The following EFCC1 variants were observed in gnomAD, a reference collection of about 807,000 sequenced individuals.
EFCC1 encodes the protein EF-hand and coiled-coil domain containing 1, also known as EF-hand and coiled-coil domain-containing protein 1.
Under a neutral mutation model 52.1 loss-of-function variants are expected in EFCC1, and 50 were observed. The ratio of observed to expected loss-of-function variants is 0.96; its 90% CI spans 0.76 to 1.21. The LOEUF is 1.21. EFCC1 is among the 50% of genes most tolerant of loss of function. The probability of loss-of-function intolerance (pLI) is 0.00; values close to 1 mark genes in which losing one functional copy is unlikely to be tolerated. For missense variants in EFCC1, 837 were observed against 867.3 expected (o/e 0.97, Z 0.44); for synonymous variants, 399 against 396.5 (o/e 1.01, Z -0.08).
At chr3:129,037,961 G>A (rs1404764462) in intron 6 of EFCC1, among the ~76,000 whole-genome samples, 3 of 152,010 alleles carry the variant, frequency 2.0e-5, no homozygotes, top group South Asian at 4.2e-4. Context: ...CTACTTGGGA[G>A]GCTGAGGTGG....
chr3:129,039,364 T>A (rs1465637556), intron 7 of EFCC1, among the ~76,000 whole-genome samples: 3 of 152,204 alleles, frequency 2.0e-5, no homozygotes, highest in Non-Finnish European at 2.9e-5. Flanking sequence ...TGCCAGCTTA[T>A]GCCTGGGGCA....
intron 2 of EFCC1, among the ~76,000 whole-genome samples, chr3:129,016,726 C>T (rs1450900742): frequency 6.6e-6 from 1 of 152,102 alleles, no homozygotes; most frequent in Non-Finnish European, 1.5e-5. Context: ...TCGTACAGGG[C>T]CTGAGGCAGG....
chr3:129,018,874 C>CAAA (rs1945706196), intron 2 of EFCC1, among the ~76,000 whole-genome samples: 1 of 152,226 alleles, frequency 6.6e-6, no homozygotes, highest in African/African-American at 2.4e-5. Context: ...CCACTCGGCG[C>CAAA]TGGAGTTCCC....
At chr3:129,036,875 T>C in intron 5 of EFCC1, 102 bp from the exon 6 acceptor site, 1 of 1,564,960 alleles carries the variant, frequency 6.4e-7, no homozygotes, top group Admixed American at 1.9e-5. Context: ...TCAGCTTCTC[T>C]GGGCCTCAGC....
chr3:129,036,114 G>A (rs1946351328), intron 5 of EFCC1, among the ~76,000 whole-genome samples: 1 of 152,236 alleles, frequency 6.6e-6, no homozygotes, highest in Non-Finnish European at 1.5e-5. Flanking sequence ...GGAGGGTGGA[G>A]TGTTGTGGGC....
At chr3:129,016,491 T>C (rs958007760) in intron 2 of EFCC1, among the ~76,000 whole-genome samples, 32 of 146,912 alleles carry the variant, frequency 2.2e-4, no homozygotes, top group African/African-American at 7.2e-4. Flanking sequence ...GTGGAGCTCA[T>C]GGGCACGCCC....
At chr3:129,008,338 G>A (rs997267562) in intron 2 of EFCC1, among the ~76,000 whole-genome samples, 2 of 152,174 alleles carry the variant, frequency 1.3e-5, no homozygotes, top group African/African-American at 2.4e-5. Context: ...CTCCATGGGC[G>A]TTTCAGCTCC....
intron 3 of EFCC1, among the ~76,000 whole-genome samples, chr3:129,031,688 G>A (rs1187850622): frequency 6.6e-6 from 1 of 152,184 alleles, no homozygotes; most frequent in Non-Finnish European, 1.5e-5. Flanking sequence ...TGTCAGCAGC[G>A]CAGCTGTCTG....
chr3:129,031,856 G>A (rs1946278894), intron 3 of EFCC1, among the ~76,000 whole-genome samples: 1 of 152,218 alleles, frequency 6.6e-6, no homozygotes, highest in Non-Finnish European at 1.5e-5. Context: ...TTGAGTCCAA[G>A]TCTTGGGTTA....
Position 129,014,232 on chromosome 3 carries a change from T to TA in EFCC1, c.980+10156dup, listed in dbSNP as rs1457257168. 6.6e-6 allele frequency among the ~76,000 whole-genome samples: 1 copy of TA among 152,252 alleles called. No individual in the cohort carries two copies. Among genetic ancestry groups the TA allele is most frequent in the Non-Finnish European group, 1.5e-5 (1 of 68,038 alleles). On this transcript the variant is annotated intron_variant, in intron 2 of 7. Coordinates refer to ENST00000683648, the MANE Select transcript of EFCC1 (RefSeq NM_001377500.1). This position sits in a 1 kb window ranked among gnomAD's most constrained non-coding sequence, Gnocchi z 4.3. ...CCTCGTGGACCAACTCTCAGTGCGTTACGCTGTTGACCACCAGTAACTAAG... is the reference window on the plus strand; with the variant it reads ...CCTCGTGGACCAACTCTCAGTGCGTTAACGCTGTTGACCACCAGTAACTAAG...
At chr3:129,034,424 TC>T in intron 5 of EFCC1, 95 bp downstream of exon 5, 1 of 1,392,396 alleles carries the variant, frequency 7.2e-7, no homozygotes, top group Non-Finnish European at 9.7e-7. Context: ...TGTGCCTCAT[TC>T]CCAGATGAGT....
chr3:129,019,438 A>G (rs1242691052), intron 2 of EFCC1, among the ~76,000 whole-genome samples: 1 of 152,214 alleles, frequency 6.6e-6, no homozygotes, highest in African/African-American at 2.4e-5. Context: ...TTTGCTCATC[A>G]GTCCAATAAT....
In EFCC1 at chr3:129,021,703, G is replaced by T. The variant is rs1321948751; in HGVS notation, c.981-9000G>T. Among the ~76,000 whole-genome samples the T allele has an allele frequency of 3.3e-5, 5 of 152,314 alleles. No individual in the cohort carries two copies. In the East Asian group the frequency reaches 9.6e-4, roughly 29 times the overall value. ...TTTTAAAATGCCAAATATAGGGAAAGATTATCAACAACATTCAGTTGAATG... is the reference window on the plus strand; with the variant it reads ...TTTTAAAATGCCAAATATAGGGAAATATTATCAACAACATTCAGTTGAATG... On this transcript the variant is annotated intron_variant, in intron 2 of 7. Transcript: ENST00000683648.
At chr3:129,029,394 G>T (rs1185175964) in intron 2 of EFCC1, among the ~76,000 whole-genome samples, 1 of 152,138 alleles carries the variant, frequency 6.6e-6, no homozygotes, top group African/African-American at 2.4e-5. Flanking sequence ...AAAGCCCAGA[G>T]AAGGGAGATG....
chr3:129,002,187 T>C lies in EFCC1; in HGVS notation c.559T>C (p.Cys187Arg), dbSNP rs1350584658. ...TCCGCGCCGCCGCCGCCGCCCGCCC[T>C]GCGCGCCTGGCCCCGACAGCGGTCC... ...RRPRRRRRPP[C>R]APGPDSGPDC... The change falls in exon 1 of 8, where the codon TGC (cysteine) becomes CGC (arginine). Residue 187 changes from cysteine to arginine, a missense_variant. By Grantham distance (180) the Cys-to-Arg change is radical. Coordinates refer to ENST00000683648, the MANE Select transcript of EFCC1 (RefSeq NM_001377500.1). 6.7e-6 allele frequency: 10 copies of C among 1,497,558 alleles called. No homozygotes were observed. Among genetic ancestry groups the C allele is most frequent in the Middle Eastern group, 3.9e-4 (2 of 5,138 alleles). 92.8% of individuals were successfully genotyped at this position (1,497,558 alleles called of 1,614,324 possible).
At chr3:129,030,264 A>G (rs1353184994) in intron 2 of EFCC1, among the ~76,000 whole-genome samples, 1 of 152,176 alleles carries the variant, frequency 6.6e-6, no homozygotes. Flanking sequence ...AAGTACAGAG[A>G]TGGGTGGCCC....
At chr3:129,039,250 AG>A (rs1946394176) in intron 7 of EFCC1, among the ~76,000 whole-genome samples, 1 of 152,238 alleles carries the variant, frequency 6.6e-6, no homozygotes. Context: ...ACTGAGGCAC[AG>A]GGGTCAAGTG....
At chr3:129,030,679 C>T (rs1393796902) in intron 2 of EFCC1, 24 bp from the exon 3 acceptor site, 1 of 1,549,026 alleles carries the variant, frequency 6.5e-7, no homozygotes, top group Non-Finnish European at 8.7e-7. Context: ...CTCCTCAATG[C>T]CTGTGTCTCT....
intron 2 of EFCC1, among the ~76,000 whole-genome samples, chr3:129,016,181 C>T (rs1478644119): frequency 2.0e-5 from 3 of 152,160 alleles, no homozygotes; most frequent in Admixed American, 6.5e-5. Flanking sequence ...GCAAGTTAAC[C>T]GGTCAAACAC....
Sources: allele counts gnomAD v4.1 joint callset (sites outside exome capture counted in the v4.1 genomes callset), GRCh38; gene constraint gnomAD v4.1.1; non-coding constraint Gnocchi (gnomAD v3.1); transcripts MANE v1.5; gene names NCBI Gene and HGNC (gene_info 2026-07-23, HGNC 2026-07-21).